RNASEH1: variants seen among roughly 807,000 people sequenced by gnomAD.
RNASEH1 encodes ribonuclease H type II.
In RNASEH1, 27 loss-of-function variants were observed where a neutral mutation model predicts 34.6. The ratio of observed to expected loss-of-function variants is 0.78; its 90% CI spans 0.58 to 1.08. RNASEH1 has a LOEUF of 1.08. Ranked by LOEUF, RNASEH1 falls within the 50% of genes least tolerant of loss-of-function variation. The pLI is 0.00. For synonymous variants in RNASEH1, 162 were observed against 138.4 expected (o/e 1.17, Z -1.20); for missense variants, 349 against 373.6 (o/e 0.93, Z 0.54).
chr2:3,532,103 A>G, the RNASEH1 span: 1 of 618,146 alleles, frequency 1.6e-6, no homozygotes, highest in Non-Finnish European at 2.9e-6. Context: ...GCAGCTGACG[A>G]GTCAGGGAAG....
intron 4 of RNASEH1, chr2:3,550,002 G>A (rs995046216): frequency 9.5e-5 from 17 of 178,810 alleles, no homozygotes; most frequent in Non-Finnish European, 2.0e-4. Context: ...CCAAAGCCAG[G>A]TGCAGTGGCT....
At chr2:3,551,345 G>A (rs888397893) in intron 3 of RNASEH1, among the ~76,000 whole-genome samples, 3 of 152,202 alleles carry the variant, frequency 2.0e-5, no homozygotes, top group Non-Finnish European at 4.4e-5. Context: ...AACTGTCTCA[G>A]GAGCCAGCAC....
chr2:3,532,384 GTTCA>G, the RNASEH1 span: 98 of 701,862 alleles, frequency 1.4e-4, no homozygotes, highest in African/African-American at 1.5e-3. Flanking sequence ...CGATCAGAAC[GTTCA>G]TTATTTCAGT....
chr2:3,534,431 A>C, the RNASEH1 span, among the ~76,000 whole-genome samples: 2 of 152,220 alleles, frequency 1.3e-5, no homozygotes, highest in Non-Finnish European at 2.9e-5. Flanking sequence ...AGACTCCCTG[A>C]ACCAGGGCTG....
intron 1 of RNASEH1, among the ~76,000 whole-genome samples, chr2:3,557,474 C>T (rs926109080): frequency 2.0e-5 from 3 of 152,212 alleles, no homozygotes; most frequent in African/African-American, 7.2e-5. Context: ...AAAAGGTCAA[C>T]TTCTGAGATG....
chr2:3,548,007 C>T lies in RNASEH1; in HGVS notation c.698G>A (p.Ser233Asn), dbSNP rs774852110. 2 of 1,613,948 alleles carry T rather than the reference C, an allele frequency of 1.2e-6. No homozygotes were observed. The highest frequency in any genetic ancestry group is 8.5e-7 in the Non-Finnish European group (1 of 1,179,812). Residue 233 changes from serine to asparagine, a missense_variant, in exon 7 of 8, where the codon AGT becomes AAT. Transcript: ENST00000315212. ...QGWKKNGWKT[S>N]AGKEVINKED... is the part of the protein sequence containing the mutation. Reference sequence around the variant, plus strand: ...TTTGTTGATCACCTCTTTCCCTGCACTTGTCTTCCACCCATTTTTCTTCCA... The same window carrying T: ...TTTGTTGATCACCTCTTTCCCTGCATTTGTCTTCCACCCATTTTTCTTCCA...
intron 1 of RNASEH1, chr2:3,557,796 G>A: frequency 1.8e-6 from 2 of 1,081,440 alleles, no homozygotes; most frequent in Non-Finnish European, 2.6e-6. Context: ...AAGTCTTCTG[G>A]TAACGGGGGT....
intron 2 of RNASEH1, among the ~76,000 whole-genome samples, chr2:3,554,784 A>G (rs1003519338): frequency 4.7e-4 from 72 of 152,384 alleles, no homozygotes; most frequent in African/African-American, 1.7e-3. Context: ...AAAATTAAGA[A>G]AAGGAAGTAT....
chr2:3,536,025 C>A, the RNASEH1 span, among the ~76,000 whole-genome samples: 5 of 152,224 alleles, frequency 3.3e-5, no homozygotes, highest in Admixed American at 3.3e-4. Context: ...ACCACAGACA[C>A]GTCACTGCCC....
rs568895245 is a variant in RNASEH1 at position 3,543,261 on chromosome 2, C to T, written c.*2524G>A. On this transcript the variant is annotated 3_prime_UTR_variant, in exon 8 of 8. Coordinates refer to ENST00000315212, the MANE Select transcript of RNASEH1 (RefSeq NM_002936.6). ...ATAAATAAATACAGCCTGCACACAA[C>T]GCACAGGAGAACGTTCTGAACCACT... Among the ~76,000 whole-genome samples, 6 of 152,326 alleles carry T rather than the reference C, an allele frequency of 3.9e-5. No homozygotes were observed. Among genetic ancestry groups the T allele is most frequent in the Non-Finnish European group, 7.4e-5 (5 of 68,026 alleles).
At chr2:3,532,038 A>C in the RNASEH1 span, 1 of 561,610 alleles carries the variant, frequency 1.8e-6, no homozygotes, top group Non-Finnish European at 3.2e-6. Context: ...CAAGAAGACA[A>C]GACAGCAAGA....
rs992951534 is a variant in RNASEH1 at position 3,543,374 on chromosome 2, T to C, written c.*2411A>G. ...TCTAAAGTTTTTCTTTTAAGACAGG[T>C]TTGGAGCAGAAGCTCTATAAATTGG... On this transcript the variant is annotated 3_prime_UTR_variant, in exon 8 of 8. Coordinates refer to ENST00000315212, the MANE Select transcript of RNASEH1 (RefSeq NM_002936.6). Among the ~76,000 whole-genome samples, 3 of 152,146 alleles carry C rather than the reference T, an allele frequency of 2.0e-5. No individual in the cohort carries two copies. Among genetic ancestry groups the C allele is most frequent in the Non-Finnish European group, 2.9e-5 (2 of 68,020 alleles).
chr2:3,556,014 A>C (rs1660457583), intron 2 of RNASEH1, among the ~76,000 whole-genome samples: 1 of 152,112 alleles, frequency 6.6e-6, no homozygotes, highest in South Asian at 2.1e-4. Flanking sequence ...CTACTAAAAA[A>C]AATACAAAAA....
chr2:3,557,982 C>A (rs546286100), intron 1 of RNASEH1, 151 bp downstream of exon 1: 12 of 1,490,852 alleles, frequency 8.0e-6, no homozygotes, highest in Admixed American at 2.2e-5. Context: ...GCCGGCCGAG[C>A]AGGAAAACGA....
chr2:3,541,749 T>C lies in RNASEH1; in HGVS notation c.*4036A>G, dbSNP rs2103279491. On this transcript the variant is annotated 3_prime_UTR_variant, in exon 8 of 8. Coordinates refer to ENST00000315212, the MANE Select transcript of RNASEH1 (RefSeq NM_002936.6). Reference sequence around the variant, plus strand: ...TTTAGACCGGGGTGTGAAACTGCTGTTGGTGGTGATGGACATGTTCTGGCG... The same window carrying C: ...TTTAGACCGGGGTGTGAAACTGCTGCTGGTGGTGATGGACATGTTCTGGCG... Among the ~76,000 whole-genome samples the C allele has an allele frequency of 6.6e-6, 1 of 152,292 alleles. No individual in the cohort carries two copies. Among genetic ancestry groups the C allele is most frequent in the African/African-American group, 2.4e-5 (1 of 41,560 alleles).
At chr2:3,538,909 T>C (rs1248088942), downstream of RNASEH1, among the ~76,000 whole-genome samples, 1 of 152,226 alleles carries the variant, frequency 6.6e-6, no homozygotes, top group African/African-American at 2.4e-5. Context: ...GCTAATATCA[T>C]ACAGAGAAAT....
At chr2:3,548,156 T>A (rs1283884477) in intron 6 of RNASEH1, 101 bp from the exon 7 acceptor site, 1 of 1,412,422 alleles carries the variant, frequency 7.1e-7, no homozygotes, top group Non-Finnish European at 9.8e-7. Flanking sequence ...GTATTCTGAG[T>A]CACCATCCTT....
the RNASEH1 span, among the ~76,000 whole-genome samples, chr2:3,535,980 C>T: frequency 1.2e-4 from 19 of 152,164 alleles, no homozygotes; most frequent in African/African-American, 3.9e-4. Flanking sequence ...CTGTCGGTCC[C>T]GGCCACGAGA....
chr2:3,549,895 G>A (rs1036501039), intron 4 of RNASEH1, among the ~76,000 whole-genome samples: 1 of 150,982 alleles, frequency 6.6e-6, no homozygotes, highest in Non-Finnish European at 1.5e-5. Context: ...GCAGTGAGCC[G>A]AGATCGCGCC....
Sources: gnomAD v4.1 joint callset for allele counts (sites outside exome capture counted in the v4.1 genomes callset) on GRCh38, gnomAD v4.1.1 for gene constraint, MANE v1.5 for transcripts, NCBI Gene and HGNC (gene_info 2026-07-23, HGNC 2026-07-21) for gene names.